GNG4: variants seen among roughly 807,000 people sequenced by gnomAD.
GNG4 encodes G protein subunit gamma 4, also known as guanine nucleotide-binding protein G(I)/G(S)/G(O) subunit gamma-4.
In GNG4, 4 loss-of-function variants were observed where a neutral mutation model predicts 5.8. The ratio of observed to expected loss-of-function variants is 0.69; its 90% CI spans 0.34 to 1.57. The LOEUF is 1.57. Ranked by LOEUF, GNG4 falls within the 40% of genes most tolerant of loss-of-function variation. The pLI, the probability that GNG4 is intolerant of heterozygous loss-of-function variation, is 0.06. For synonymous variants in GNG4, 29 were observed against 32.9 expected (o/e 0.88, Z 0.41); for missense variants, 96 against 95.1 (o/e 1.01, Z -0.04).
intron 3 of GNG4, among the ~76,000 whole-genome samples, chr1:235,561,354 G>A (rs191301504): frequency 3.7e-4 from 56 of 152,060 alleles, no homozygotes; most frequent in African/African-American, 1.2e-3. Flanking sequence ...TCATTGTTGT[G>A]TTTTAAGGGT....
chr1:235,619,166 TATATATATATACACACAC>T (rs1160090143), intron 1 of GNG4, among the ~76,000 whole-genome samples: 62 of 92,768 alleles, frequency 6.7e-4, no homozygotes, highest in African/African-American at 4.1e-3. Context: ...AATTTATATA[TATATATATATACACACAC>T]ATATATATAC....
At chr1:235,615,119 T>C (rs933482451) in intron 1 of GNG4, 1 of 152,044 alleles carries the variant, frequency 6.6e-6, no homozygotes, top group South Asian at 2.1e-4. Context: ...CTGAGCACAA[T>C]TGAAGTGTGG....
intron 3 of GNG4, among the ~76,000 whole-genome samples, chr1:235,581,475 G>A (rs533096208): frequency 3.3e-5 from 5 of 150,458 alleles, no homozygotes; most frequent in African/African-American, 1.2e-4. Context: ...CTTGCAGTGA[G>A]CCGAGATCAC....
chr1:235,568,324 T>A (rs910180879), intron 3 of GNG4, among the ~76,000 whole-genome samples: 1 of 152,058 alleles, frequency 6.6e-6, no homozygotes, highest in Admixed American at 6.6e-5. Flanking sequence ...ATGACTCAGA[T>A]TGTGTGTGGA....
chr1:235,599,775 C>T (rs1302712624), intron 1 of GNG4, among the ~76,000 whole-genome samples: 7 of 152,196 alleles, frequency 4.6e-5, no homozygotes, highest in Non-Finnish European at 1.0e-4. Context: ...AGCAGAGGTG[C>T]TGTTCTCCTG....
At chr1:235,587,964 T>C (rs1424993138) in intron 2 of GNG4, among the ~76,000 whole-genome samples, 6 of 151,408 alleles carry the variant, frequency 4.0e-5, no homozygotes. Context: ...AGGTGGGTCA[T>C]GTGGCGGGGA....
At chr1:235,603,565 G>A (rs1169217538) in intron 1 of GNG4, among the ~76,000 whole-genome samples, 1 of 152,038 alleles carries the variant, frequency 6.6e-6, no homozygotes, top group Non-Finnish European at 1.5e-5. Context: ...TCCCCACTCC[G>A]ACTTCAACCA....
At chr1:235,605,171 G>A (rs1296538921) in intron 1 of GNG4, among the ~76,000 whole-genome samples, 3 of 151,840 alleles carry the variant, frequency 2.0e-5, no homozygotes, top group Non-Finnish European at 4.4e-5. Context: ...GAGGAAGTGG[G>A]TGGAGGTGGA....
intron 1 of GNG4, among the ~76,000 whole-genome samples, chr1:235,631,101 G>A (rs1477867629): frequency 6.6e-6 from 1 of 152,134 alleles, no homozygotes; most frequent in Non-Finnish European, 1.5e-5. Context: ...GTTTCACCAG[G>A]TTGGCCAGGC....
intron 3 of GNG4, among the ~76,000 whole-genome samples, chr1:235,575,917 G>C (rs1051211768): frequency 6.6e-6 from 1 of 152,210 alleles, no homozygotes; most frequent in Admixed American, 6.5e-5. Flanking sequence ...CGCCTTCTCA[G>C]TGGCTGAACT....
At chr1:235,604,893 C>T (rs776254460) in intron 1 of GNG4, among the ~76,000 whole-genome samples, 11 of 152,110 alleles carry the variant, frequency 7.2e-5, no homozygotes, top group South Asian at 2.1e-4. Flanking sequence ...CTACAAGAAA[C>T]GCCTCTCTGA....
chr1:235,640,529 G>C (rs1354956762), intron 1 of GNG4, among the ~76,000 whole-genome samples: 6 of 152,216 alleles, frequency 3.9e-5, no homozygotes, highest in Non-Finnish European at 8.8e-5. Context: ...TCTCAAAACA[G>C]GTGTGTAAAA....
intron 1 of GNG4, among the ~76,000 whole-genome samples, chr1:235,616,932 G>T (rs1490334742): frequency 1.6e-5 from 1 of 61,562 alleles, no homozygotes; most frequent in Non-Finnish European, 3.7e-5. Flanking sequence ...TTTTTCAGTA[G>T]AGATGGGTTT....
chr1:235,616,918 T>TTTTTTA (rs1688603229), intron 1 of GNG4, among the ~76,000 whole-genome samples: 1 of 148,116 alleles, frequency 6.8e-6, no homozygotes, highest in Non-Finnish European at 1.5e-5. Context: ...TTTTTTTTTT[T>TTTTTTA]TTTTTTTTCA....
At chr1:235,592,361 T>A (rs1422926650) in intron 2 of GNG4, among the ~76,000 whole-genome samples, 1 of 151,930 alleles carries the variant, frequency 6.6e-6, no homozygotes, top group East Asian at 1.9e-4. Flanking sequence ...CAAAAAAGAT[T>A]AGCCAGGCAT....
rs1657586387 is a variant in GNG4 at position 235,648,975 on chromosome 1, T to C, written c.-123+687A>G. ...TCCTCCCCACTTCACCCTCCCGCCG[T>C]TTCGCGTTATTTCCAAGGCAATTTA... On this transcript the variant is annotated intron_variant, in intron 1 of 3. Coordinates refer to ENST00000391854, the MANE Select transcript of GNG4 (RefSeq NM_001098722.2). This position sits in a 1 kb window ranked among gnomAD's most constrained non-coding sequence, Gnocchi z 5.0. Among the ~76,000 whole-genome samples, 1 of 152,124 alleles carries C rather than the reference T, an allele frequency of 6.6e-6. No individual in the cohort carries two copies. The highest frequency in any genetic ancestry group is 2.4e-5 in the African/African-American group (1 of 41,424).
chr1:235,588,157 C>G (rs914321093), intron 2 of GNG4, among the ~76,000 whole-genome samples: 1 of 152,090 alleles, frequency 6.6e-6, no homozygotes, highest in African/African-American at 2.4e-5. Flanking sequence ...ACCCTCTCCG[C>G]AGAGGAGAGT....
intron 3 of GNG4, 121 bp downstream of exon 3, chr1:235,583,619 C>T: frequency 3.1e-6 from 2 of 637,460 alleles, no homozygotes; most frequent in Non-Finnish European, 5.7e-6. Flanking sequence ...TTACAGCTGC[C>T]AAGGTTGGCT....
chr1:235,596,160 C>T (rs1441007350), intron 1 of GNG4, among the ~76,000 whole-genome samples: 4 of 144,126 alleles, frequency 2.8e-5, no homozygotes, highest in Non-Finnish European at 3.0e-5. Flanking sequence ...GGTGACAGAG[C>T]GAGACTCTGT....
Sources: allele counts gnomAD v4.1 joint callset (sites outside exome capture counted in the v4.1 genomes callset), GRCh38; gene constraint gnomAD v4.1.1; non-coding constraint Gnocchi (gnomAD v3.1); transcripts MANE v1.5; gene names NCBI Gene and HGNC (gene_info 2026-07-23, HGNC 2026-07-21).